FER: variants seen among roughly 807,000 people sequenced by gnomAD.
FER encodes the protein tyrosine-protein kinase Fer.
A neutral mutation model predicts 111.0 loss-of-function variants in FER; 63 were observed. The ratio of observed to expected loss-of-function variants is 0.57; its 90% CI spans 0.46 to 0.70. The LOEUF is 0.70. Among genes scored for constraint, FER ranks in the 30% least tolerant of loss-of-function variants. The probability of loss-of-function intolerance (pLI) is 0.00; values close to 1 mark genes in which losing one functional copy is unlikely to be tolerated. For synonymous variants in FER, 327 were observed against 313.9 expected, an observed-to-expected ratio of 1.04 and a Z score of -0.44; for missense variants, 914 against 954.0, an observed-to-expected ratio of 0.96 and a Z score of 0.55.
intron 3 of FER, among the ~76,000 whole-genome samples, chr5:108,816,479 AAT>A (rs1480441244): frequency 3.5e-4 from 53 of 152,222 alleles, no homozygotes; most frequent in Non-Finnish European, 4.0e-4. Flanking sequence ...GTGCCATGTT[AAT>A]ATAGTAGTCA....
chr5:108,886,158 A>G (rs1261531603), intron 9 of FER, among the ~76,000 whole-genome samples: 1 of 151,746 alleles, frequency 6.6e-6, no homozygotes, highest in East Asian at 1.9e-4. Flanking sequence ...ATGATCTTTA[A>G]GGGCTCCCTA....
At chr5:108,995,412 T>C (rs1322490733) in intron 13 of FER, among the ~76,000 whole-genome samples, 1 of 152,056 alleles carries the variant, frequency 6.6e-6, no homozygotes, top group African/African-American at 2.4e-5. Context: ...GCTATCCCTC[T>C]ACTAGCCCCC....
At chr5:108,933,143 G>C (rs1754935986) in intron 10 of FER, among the ~76,000 whole-genome samples, 1 of 152,060 alleles carries the variant, frequency 6.6e-6, no homozygotes, top group African/African-American at 2.4e-5. Flanking sequence ...ATTGCTTTTG[G>C]TGTTTTAGTC....
chr5:108,939,354 A>G (rs1401212666), intron 10 of FER, among the ~76,000 whole-genome samples: 1 of 152,062 alleles, frequency 6.6e-6, no homozygotes, highest in Non-Finnish European at 1.5e-5. Flanking sequence ...AAAATCTTTA[A>G]TTAGTAATTG....
chr5:109,113,082 A>G (rs986693878), intron 17 of FER, among the ~76,000 whole-genome samples: 3 of 151,792 alleles, frequency 2.0e-5, no homozygotes, highest in Admixed American at 1.3e-4. Context: ...TTGAGAAAAG[A>G]TAAGAATAGG....
At chr5:108,975,100 C>T (rs955539403) in intron 13 of FER, among the ~76,000 whole-genome samples, 4 of 152,062 alleles carry the variant, frequency 2.6e-5, no homozygotes, top group African/African-American at 9.7e-5. Flanking sequence ...ATGTCATTTG[C>T]AGGGACATGG....
chr5:109,062,561 T>C (rs1774559584), intron 16 of FER, among the ~76,000 whole-genome samples: 1 of 151,756 alleles, frequency 6.6e-6, no homozygotes, highest in Non-Finnish European at 1.5e-5. Flanking sequence ...ATATATATTA[T>C]GTTATATGTA....
At chr5:109,118,603 C>G (rs1288606003) in intron 17 of FER, among the ~76,000 whole-genome samples, 1 of 152,142 alleles carries the variant, frequency 6.6e-6, no homozygotes, top group Admixed American at 6.5e-5. Context: ...CCTTGTATCT[C>G]TGGTAGAACT....
chr5:109,029,220 C>CTTTT (rs558664340), intron 13 of FER, among the ~76,000 whole-genome samples: 43 of 109,952 alleles, frequency 3.9e-4, no homozygotes, highest in African/African-American at 1.4e-3. Context: ...TTTAGGCTTT[C>CTTTT]TTTTTTTTTT....
At chr5:109,112,488 G>T (rs969845613) in intron 17 of FER, among the ~76,000 whole-genome samples, 4 of 152,146 alleles carry the variant, frequency 2.6e-5, no homozygotes, top group Admixed American at 6.6e-5. Flanking sequence ...GGTCATCTCA[G>T]TGGGCCTTCC....
intron 17 of FER, among the ~76,000 whole-genome samples, chr5:109,118,350 T>A (rs1750537906): frequency 6.6e-6 from 1 of 152,228 alleles, no homozygotes; most frequent in Non-Finnish European, 1.5e-5. Flanking sequence ...ATCCCAGGGA[T>A]GAAGCCCACT....
At chr5:108,894,400 G>A (rs899464646) in intron 9 of FER, 4 of 866,954 alleles carry the variant, frequency 4.6e-6, no homozygotes, top group Admixed American at 2.8e-5. Flanking sequence ...AACTGTTTGT[G>A]GACCTCGTCT....
intron 16 of FER, among the ~76,000 whole-genome samples, chr5:109,055,056 CA>C (rs1354634494): frequency 6.6e-6 from 1 of 152,040 alleles, no homozygotes; most frequent in Non-Finnish European, 1.5e-5. Context: ...CAAGAAGACA[CA>C]AAGGGGAAAG....
intron 13 of FER, among the ~76,000 whole-genome samples, chr5:109,002,317 C>T (rs1204623269): frequency 6.6e-6 from 1 of 151,640 alleles, no homozygotes. Flanking sequence ...GAAATAACGC[C>T]GCATATCTAC....
At chr5:109,080,179 T>C (rs561522072) in intron 16 of FER, among the ~76,000 whole-genome samples, 3 of 152,168 alleles carry the variant, frequency 2.0e-5, no homozygotes, top group Non-Finnish European at 4.4e-5. Context: ...CTGTAAGAAA[T>C]AATCTGTGAT....
intron 13 of FER, among the ~76,000 whole-genome samples, chr5:109,006,623 GA>G (rs1395608104): frequency 6.6e-6 from 1 of 152,172 alleles, no homozygotes; most frequent in African/African-American, 2.4e-5. Context: ...TACCTGTGAT[GA>G]AATTAGCTCT....
At chr5:109,148,639 G>A (rs1180975480) in intron 17 of FER, among the ~76,000 whole-genome samples, 1 of 152,114 alleles carries the variant, frequency 6.6e-6, no homozygotes, top group Non-Finnish European at 1.5e-5. Flanking sequence ...ATTTTAGAAA[G>A]TTTTTCACTA....
At chr5:108,986,281 G>GT (rs1030498874) in intron 13 of FER, among the ~76,000 whole-genome samples, 2 of 146,024 alleles carry the variant, frequency 1.4e-5, no homozygotes, top group East Asian at 2.0e-4. Context: ...TTTTTGCTGG[G>GT]TTTTTTTCTT....
intron 3 of FER, among the ~76,000 whole-genome samples, chr5:108,820,949 T>A (rs1758778793): frequency 6.6e-6 from 1 of 152,088 alleles, no homozygotes; most frequent in Non-Finnish European, 1.5e-5. Flanking sequence ...CTGTCTTTAC[T>A]AAAAATACAA....
Sources: gnomAD v4.1 joint callset for allele counts (sites outside exome capture counted in the v4.1 genomes callset) on GRCh38, gnomAD v4.1.1 for gene constraint, MANE v1.5 for transcripts, NCBI Gene and HGNC (gene_info 2026-07-23, HGNC 2026-07-21) for gene names.